The following FAM107B variants were observed in gnomAD, a reference collection of about 807,000 sequenced individuals.
FAM107B encodes family with sequence similarity 107 member B.
FAM107B carries 21 observed loss-of-function variants against 31.5 expected under a neutral mutation model. The observed-to-expected ratio is 0.67, with a 90% CI of 0.47 to 0.96. FAM107B has a LOEUF of 0.96. Ranked by LOEUF, FAM107B falls within the 40% of genes least tolerant of loss-of-function variation. The pLI, the probability that FAM107B is intolerant of heterozygous loss-of-function variation, is 0.00. For synonymous variants in FAM107B, 157 were observed against 141.5 expected (o/e 1.11, Z -0.78); for missense variants, 452 against 377.1 (o/e 1.20, Z -1.64).
intron 2 of FAM107B, among the ~76,000 whole-genome samples, chr10:14,644,465 A>T (rs1202450820): frequency 3.3e-5 from 5 of 151,728 alleles, no homozygotes; most frequent in Non-Finnish European, 7.4e-5. Flanking sequence ...TGCCCTGCTA[A>T]GTAAGACCCA....
intron 2 of FAM107B, among the ~76,000 whole-genome samples, chr10:14,658,152 A>G (rs1411766849): frequency 1.3e-5 from 2 of 152,184 alleles, no homozygotes; most frequent in African/African-American, 2.4e-5. Flanking sequence ...GTGAAAATCC[A>G]ATTACTATTA....
At chr10:14,653,159 G>T (rs1300868538) in intron 2 of FAM107B, among the ~76,000 whole-genome samples, 1 of 152,196 alleles carries the variant, frequency 6.6e-6, no homozygotes, top group Non-Finnish European at 1.5e-5. Flanking sequence ...CACTGCCACG[G>T]TATTTACAAT....
At chr10:14,589,834 T>TA (rs539498544) in intron 2 of FAM107B, among the ~76,000 whole-genome samples, 24 of 151,802 alleles carry the variant, frequency 1.6e-4, no homozygotes, top group South Asian at 1.5e-3. Context: ...TTTTAAAAAT[T>TA]AAAAAAAAGA....
intron 2 of FAM107B, among the ~76,000 whole-genome samples, chr10:14,589,182 AAAAAG>A (rs1223776800): frequency 7.2e-5 from 11 of 151,934 alleles, no homozygotes; most frequent in African/African-American, 2.2e-4. Flanking sequence ...TCAAAAAAAA[AAAAAG>A]AAAAGAAAAA....
At position 14,522,025 on chromosome 10, in the gene FAM107B, A is replaced by G. The variant is rs779573547; in HGVS notation, c.654-6T>C. 9.6e-5 allele frequency: 154 copies of G among 1,599,630 alleles called. No homozygotes were observed. The highest frequency in any genetic ancestry group is 1.3e-4 in the Non-Finnish European group (149 of 1,176,648). On this transcript the variant is annotated splice_polypyrimidine_tract_variant and splice_region_variant and intron_variant, in intron 3 of 4. Transcript: ENST00000181796. ...TGTTCTGAGGAGCAAGACCCCTGCG[A>G]AAGAGCATTAACAAAAATAGAAAAC...
chr10:14,614,852 T>A (rs1182373950), intron 2 of FAM107B, among the ~76,000 whole-genome samples: 3 of 151,880 alleles, frequency 2.0e-5, no homozygotes, highest in Non-Finnish European at 2.9e-5. Context: ...ACAGGGACTG[T>A]TTACCAACCC....
chr10:14,698,124 C>CA (rs112261656), intron 1 of FAM107B, among the ~76,000 whole-genome samples: 232 of 138,024 alleles, frequency 1.7e-3, no homozygotes, highest in East Asian at 5.2e-3. Flanking sequence ...GACTCCATCT[C>CA]AAAAAAAAAA....
At chr10:14,741,759 C>T (rs893922965) in intron 1 of FAM107B, among the ~76,000 whole-genome samples, 32 of 125,648 alleles carry the variant, frequency 2.5e-4, no homozygotes, top group Non-Finnish European at 3.8e-4. Flanking sequence ...CTCGCTCTGT[C>T]GCCCAGGCTG....
At chr10:14,585,713 C>T (rs755226184) in intron 2 of FAM107B, among the ~76,000 whole-genome samples, 3 of 152,326 alleles carry the variant, frequency 2.0e-5, no homozygotes, top group African/African-American at 2.4e-5. Context: ...AGCCAAGCTC[C>T]GCCCATGAGA....
intron 1 of FAM107B, among the ~76,000 whole-genome samples, chr10:14,728,168 C>T (rs999525976): frequency 6.6e-6 from 1 of 152,274 alleles, no homozygotes; most frequent in Admixed American, 6.5e-5. Context: ...AAAGCCATGA[C>T]TTGGATCATT....
chr10:14,764,469 C>T (rs997212707), intron 1 of FAM107B, among the ~76,000 whole-genome samples: 2 of 152,198 alleles, frequency 1.3e-5, no homozygotes, highest in African/African-American at 2.4e-5. Flanking sequence ...ACACCTCCCA[C>T]GGCATTTTGA....
intron 1 of FAM107B, among the ~76,000 whole-genome samples, chr10:14,770,014 C>T (rs1833265206): frequency 6.6e-6 from 1 of 152,180 alleles, no homozygotes; most frequent in African/African-American, 2.4e-5. Context: ...CCCCTGTCTT[C>T]TTCCCAAGGC....
chr10:14,699,206 T>G (rs1277680184), intron 1 of FAM107B, among the ~76,000 whole-genome samples: 2 of 152,114 alleles, frequency 1.3e-5, no homozygotes, highest in African/African-American at 4.8e-5. Flanking sequence ...TAAACAGCGT[T>G]CCCCCAGAGG....
intron 1 of FAM107B, among the ~76,000 whole-genome samples, chr10:14,705,981 A>C (rs1048933117): frequency 1.3e-5 from 2 of 152,046 alleles, no homozygotes; most frequent in Admixed American, 6.5e-5. Context: ...GAAAAACCGC[A>C]CTCTTGCTAA....
chr10:14,525,535 T>C (rs1588467747), intron 3 of FAM107B, among the ~76,000 whole-genome samples: 1 of 152,130 alleles, frequency 6.6e-6, no homozygotes, highest in African/African-American at 2.4e-5. Context: ...GCCCCAAAAT[T>C]ATGCAAAGTA....
chr10:14,731,200 A>G (rs564146320), intron 1 of FAM107B, among the ~76,000 whole-genome samples: 2 of 152,258 alleles, frequency 1.3e-5, no homozygotes, highest in East Asian at 3.9e-4. Flanking sequence ...GTCAGGTACT[A>G]AAAAAATAAG....
rs1227180242 is a variant in FAM107B, at chr10:14,537,540, T to C, written c.470-7025A>G. Among the ~76,000 whole-genome samples, 4 of 151,394 alleles carry C rather than the reference T, an allele frequency of 2.6e-5. No homozygotes were observed. In the East Asian group the frequency reaches 7.8e-4, roughly 29 times the overall value. ...GATCTCACAGGGTTGCTATGAAGAG[T>C]AAATAAGAAATGCAACTGCTGGGCT... On this transcript the variant is annotated intron_variant, in intron 2 of 4. Coordinates refer to ENST00000181796, the MANE Select transcript of FAM107B (RefSeq NM_031453.4).
intron 2 of FAM107B, among the ~76,000 whole-genome samples, chr10:14,568,001 C>T (rs1850822424): frequency 1.3e-5 from 2 of 152,246 alleles, no homozygotes; most frequent in Admixed American, 6.5e-5. Flanking sequence ...CTCCGGCTGC[C>T]ATGGAGTCCC....
chr10:14,733,052 T>C (rs1455432440), intron 1 of FAM107B, among the ~76,000 whole-genome samples: 3 of 147,504 alleles, frequency 2.0e-5, no homozygotes, highest in Non-Finnish European at 3.0e-5. Flanking sequence ...TATATAATTA[T>C]ATCTAATAAT....
Sources: gnomAD v4.1 joint callset for allele counts (sites outside exome capture counted in the v4.1 genomes callset) on GRCh38, gnomAD v4.1.1 for gene constraint, MANE v1.5 for transcripts, NCBI Gene and HGNC (gene_info 2026-07-23, HGNC 2026-07-21) for gene names.